MECOM: variants seen among roughly 807,000 people sequenced by gnomAD.
MECOM encodes the protein histone-lysine N-methyltransferase MECOM.
Under a neutral mutation model 116.3 loss-of-function variants are expected in MECOM, and 13 were observed. That is an observed-to-expected ratio of 0.11 (90% CI 0.07 to 0.18). The LOEUF is 0.18. MECOM is among the 10% of genes least tolerant of loss of function. The probability of loss-of-function intolerance (pLI) is 1.00; values close to 1 mark genes in which losing one functional copy is unlikely to be tolerated. For missense variants in MECOM, 1,299 were observed against 1,509.0 expected (o/e 0.86, Z 2.31); for synonymous variants, 528 against 535.2 (o/e 0.99, Z 0.19).
chr3:169,167,207 T>C (rs1445946112), intron 2 of MECOM, among the ~76,000 whole-genome samples: 1 of 152,170 alleles, frequency 6.6e-6, no homozygotes, highest in Non-Finnish European at 1.5e-5. Context: ...TTATTGTTTG[T>C]TTCATAGTGG....
chr3:169,361,207 G>A (rs561269535), intron 2 of MECOM, among the ~76,000 whole-genome samples: 10 of 151,878 alleles, frequency 6.6e-5, no homozygotes, highest in African/African-American at 2.2e-4. Flanking sequence ...AATTAGACAC[G>A]AAGCCAAAAC....
intron 1 of MECOM, among the ~76,000 whole-genome samples, chr3:169,392,793 A>G (rs1175282600): frequency 6.6e-6 from 1 of 152,178 alleles, no homozygotes; most frequent in East Asian, 1.9e-4. Context: ...ATCTTTAAAG[A>G]AACCTCTTAT....
chr3:169,149,920 T>A (rs1740885736), intron 2 of MECOM, among the ~76,000 whole-genome samples: 1 of 139,470 alleles, frequency 7.2e-6, no homozygotes, highest in Admixed American at 7.4e-5. Flanking sequence ...AATCTTAATC[T>A]CTCTTTCTCT....
chr3:169,340,731 G>T (rs1378856307), intron 2 of MECOM, among the ~76,000 whole-genome samples: 3 of 152,154 alleles, frequency 2.0e-5, no homozygotes, highest in Non-Finnish European at 4.4e-5. Flanking sequence ...TTGTAAAGAG[G>T]TGTATTGTGT....
chr3:169,218,018 T>C (rs747633759), intron 2 of MECOM, among the ~76,000 whole-genome samples: 1 of 151,846 alleles, frequency 6.6e-6, no homozygotes, highest in Admixed American at 6.6e-5. Context: ...AGCTCTATAG[T>C]GAAATTAATG....
At chr3:169,242,627 T>C (rs1014846924) in intron 2 of MECOM, among the ~76,000 whole-genome samples, 4 of 151,904 alleles carry the variant, frequency 2.6e-5, no homozygotes, top group African/African-American at 9.7e-5. Context: ...TCAGGACTTA[T>C]CGTCTATCAT....
At chr3:169,227,197 A>C (rs1191214846) in intron 2 of MECOM, among the ~76,000 whole-genome samples, 1 of 152,218 alleles carries the variant, frequency 6.6e-6, no homozygotes. Context: ...GGGAAAAAGG[A>C]CTAGATCATT....
intron 2 of MECOM, among the ~76,000 whole-genome samples, chr3:169,186,194 A>T (rs897068415): frequency 5.9e-5 from 9 of 152,016 alleles, no homozygotes; most frequent in Admixed American, 5.2e-4. Context: ...GTTATAGCTT[A>T]TTTCCAATAC....
chr3:169,656,279 C>A (rs1240032563), intron 1 of MECOM, among the ~76,000 whole-genome samples: 1 of 152,104 alleles, frequency 6.6e-6, no homozygotes, highest in Admixed American at 6.6e-5. Flanking sequence ...TAGTTAATGA[C>A]CCCTACACAC....
rs76670749 is a variant in MECOM, at chr3:169,519,204, G to A, written c.38-137680C>T. Among the ~76,000 whole-genome samples the A allele has an allele frequency of 6.0e-3, 909 of 152,256 alleles. 21 individuals are homozygous for A. The highest frequency in any genetic ancestry group is 0.047 in the Admixed American group (718 of 15,290). ...GTCCAGTTTGAAAAACAACTGCTAT[G>A]ATCTATCCAGAACCTTAAAACTATA... On this transcript the variant is annotated intron_variant, in intron 1 of 16. Transcript: ENST00000651503.
intron 1 of MECOM, among the ~76,000 whole-genome samples, 164 bp downstream of exon 1, chr3:169,663,172 G>A (rs1358432168): frequency 6.6e-6 from 1 of 151,776 alleles, no homozygotes; most frequent in South Asian, 2.1e-4. Flanking sequence ...GCGACCGGGA[G>A]CAGAGACTGG....
At chr3:169,470,866 G>A (rs1344037093) in intron 1 of MECOM, among the ~76,000 whole-genome samples, 1 of 152,174 alleles carries the variant, frequency 6.6e-6, no homozygotes, top group African/African-American at 2.4e-5. Context: ...CAAATAGCTA[G>A]AGGAGGGTCT....
intron 2 of MECOM, among the ~76,000 whole-genome samples, chr3:169,235,694 A>G (rs1324289988): frequency 6.6e-6 from 1 of 152,176 alleles, no homozygotes; most frequent in African/African-American, 2.4e-5. Context: ...TTTCTCTGTT[A>G]CTAGGGCAGA....
intron 1 of MECOM, among the ~76,000 whole-genome samples, chr3:169,531,638 G>A (rs1033578907): frequency 6.6e-6 from 1 of 152,098 alleles, no homozygotes; most frequent in Non-Finnish European, 1.5e-5. Context: ...TTCTACATCT[G>A]CCACCTCTCA....
chr3:169,319,095 C>T (rs1175515609), intron 2 of MECOM, among the ~76,000 whole-genome samples: 2 of 134,122 alleles, frequency 1.5e-5, no homozygotes, highest in East Asian at 4.5e-4. Flanking sequence ...GAGACTCTGT[C>T]TAAAAAAAAA....
chr3:169,649,914 TA>T (rs1337030726), intron 1 of MECOM, among the ~76,000 whole-genome samples: 1 of 152,246 alleles, frequency 6.6e-6, no homozygotes, highest in Non-Finnish European at 1.5e-5. Flanking sequence ...CAATGAGTTT[TA>T]ATAAGCAAAA....
At chr3:169,488,443 G>A (rs1306323246) in intron 1 of MECOM, among the ~76,000 whole-genome samples, 1 of 151,304 alleles carries the variant, frequency 6.6e-6, no homozygotes, top group Non-Finnish European at 1.5e-5. Context: ...TTACTCAGGA[G>A]GCTGAGGCAG....
intron 2 of MECOM, among the ~76,000 whole-genome samples, chr3:169,238,638 A>C (rs1754397772): frequency 6.6e-6 from 1 of 152,198 alleles, no homozygotes. Context: ...AGGTTTAGCT[A>C]AAATATCCCC....
rs550851626 is a variant in MECOM, at chr3:169,237,918, T to A, written c.376-94086A>T. On this transcript the variant is annotated intron_variant, in intron 2 of 16. Transcript: ENST00000651503. Reference sequence around the variant, plus strand: ...TGGTGCAGGCAGGTTGGCTCACACCTGTAATCCCAGCAATTTGGGAAGTCC... The same window carrying A: ...TGGTGCAGGCAGGTTGGCTCACACCAGTAATCCCAGCAATTTGGGAAGTCC... Among the ~76,000 whole-genome samples the A allele has an allele frequency of 1.4e-4, 21 of 152,220 alleles. No individual in the cohort carries two copies. The East Asian group carries it at 3.7e-3, about 27-fold the overall frequency.
Sources: allele counts gnomAD v4.1 joint callset (sites outside exome capture counted in the v4.1 genomes callset), GRCh38; gene constraint gnomAD v4.1.1; transcripts MANE v1.5; gene names NCBI Gene and HGNC (gene_info 2026-07-23, HGNC 2026-07-21).